Variants in SLC35D4 observed in about 807,000 individuals in gnomAD.
The protein encoded by SLC35D4 is UDP-N-acetylglucosamine transporter SLC35D4.
the SLC35D4 span, among the ~76,000 whole-genome samples, chr18:23,252,054 C>T: frequency 3.3e-5 from 5 of 151,554 alleles, no homozygotes; most frequent in South Asian, 1.0e-3. Context: ...CCGCTGCACT[C>T]CAGCCTGGGC....
At chr18:23,263,464 A>C in the SLC35D4 span, among the ~76,000 whole-genome samples, 1 of 152,248 alleles carries the variant, frequency 6.6e-6, no homozygotes, top group Non-Finnish European at 1.5e-5. Flanking sequence ...CTGGTAGAAC[A>C]TGAAATGTTT....
the SLC35D4 span, chr18:23,384,879 T>C: frequency 4.3e-4 from 378 of 885,692 alleles, 1 homozygote; most frequent in Non-Finnish European, 6.2e-4. Flanking sequence ...TAATCTTGCC[T>C]GGAGATTGGT....
At chr18:23,393,603 T>G in the SLC35D4 span, among the ~76,000 whole-genome samples, 1 of 152,178 alleles carries the variant, frequency 6.6e-6, no homozygotes, top group Non-Finnish European at 1.5e-5. Context: ...CTGAATAATA[T>G]TCCATTGTTT....
At chr18:23,390,997 T>C in the SLC35D4 span, among the ~76,000 whole-genome samples, 1 of 152,068 alleles carries the variant, frequency 6.6e-6, no homozygotes, top group African/African-American at 2.4e-5. Flanking sequence ...AGGCTGAACC[T>C]GGTGGATCGC....
the SLC35D4 span, among the ~76,000 whole-genome samples, chr18:23,364,092 C>T: frequency 6.6e-6 from 1 of 152,190 alleles, no homozygotes; most frequent in Non-Finnish European, 1.5e-5. Context: ...CCCTGAGGAT[C>T]CTCACTCAGA....
At chr18:23,262,518 C>T in the SLC35D4 span, among the ~76,000 whole-genome samples, 135 of 152,372 alleles carry the variant, frequency 8.9e-4, no homozygotes, top group African/African-American at 3.0e-3. Context: ...CACTGATTGA[C>T]GTCCACCTAG....
the SLC35D4 span, among the ~76,000 whole-genome samples, chr18:23,291,594 A>C: frequency 6.6e-6 from 1 of 152,164 alleles, no homozygotes; most frequent in Non-Finnish European, 1.5e-5. Flanking sequence ...AGCCAGCTGC[A>C]AGGCTGGGCT....
chr18:23,306,659 A>G, the SLC35D4 span, among the ~76,000 whole-genome samples: 7 of 152,218 alleles, frequency 4.6e-5, no homozygotes, highest in African/African-American at 9.6e-5. Flanking sequence ...AAGCAATACT[A>G]TGCTTTTTCT....
At chr18:23,418,346 CA>C in the SLC35D4 span, among the ~76,000 whole-genome samples, 1 of 128,442 alleles carries the variant, frequency 7.8e-6, no homozygotes, top group East Asian at 2.0e-4. Flanking sequence ...CAGGAGAAGC[CA>C]AAATTATTAT....
chr18:23,384,785 C>A, the SLC35D4 span, among the ~76,000 whole-genome samples: 1 of 152,190 alleles, frequency 6.6e-6, no homozygotes, highest in African/African-American at 2.4e-5. Flanking sequence ...GAGTTCAGTT[C>A]ATATCAACAA....
chr18:23,276,852 G>A, the SLC35D4 span, among the ~76,000 whole-genome samples: 2 of 152,266 alleles, frequency 1.3e-5, no homozygotes, highest in Admixed American at 1.3e-4. Context: ...CCTCACTCAT[G>A]CTACAGGAGC....
chr18:23,335,021 C>A, the SLC35D4 span, among the ~76,000 whole-genome samples: 111,707 of 151,618 alleles, frequency 0.74, 41,651 homozygotes, highest in Middle Eastern at 0.86. Context: ...AAAAAGAAAG[C>A]AAGCAAGCAA....
the SLC35D4 span, chr18:23,437,723 G>A: frequency 6.4e-7 from 1 of 1,555,744 alleles, no homozygotes; most frequent in Middle Eastern, 1.7e-4. Flanking sequence ...GTCACGGGAA[G>A]ATTCTCCGAC....
At chr18:23,281,327 T>A in the SLC35D4 span, among the ~76,000 whole-genome samples, 18 of 152,232 alleles carry the variant, frequency 1.2e-4, no homozygotes, top group Non-Finnish European at 2.1e-4. Context: ...TATTTATTTA[T>A]TTTACTTTTT....
the SLC35D4 span, among the ~76,000 whole-genome samples, chr18:23,273,247 T>C: frequency 6.6e-6 from 1 of 152,030 alleles, no homozygotes; most frequent in African/African-American, 2.4e-5. Flanking sequence ...GGAGTTGGAA[T>C]CAGAATGAGC....
chr18:23,272,996 T>TAGCTCTGAACAAAGCTA, the SLC35D4 span, among the ~76,000 whole-genome samples: 1 of 152,232 alleles, frequency 6.6e-6, no homozygotes, highest in African/African-American at 2.4e-5. Context: ...TCTGAAACAC[T>TAGCTCTGAACAAAGCTA]GCCCAAGCTT....
At chr18:23,355,085 GC>G in the SLC35D4 span, among the ~76,000 whole-genome samples, 1 of 152,144 alleles carries the variant, frequency 6.6e-6, no homozygotes, top group South Asian at 2.1e-4. Flanking sequence ...ATATGGTGGA[GC>G]CTCTGAAATG....
At chr18:23,433,188 T>C in the SLC35D4 span, among the ~76,000 whole-genome samples, 2 of 151,902 alleles carry the variant, frequency 1.3e-5, no homozygotes, top group African/African-American at 4.8e-5. Context: ...GCCTCCCAAG[T>C]AGCCATGACT....
the SLC35D4 span, among the ~76,000 whole-genome samples, chr18:23,346,116 T>A: frequency 2.0e-5 from 3 of 151,276 alleles, no homozygotes; most frequent in African/African-American, 7.3e-5. Flanking sequence ...AAAAAAAAAA[T>A]ATTTTTAAAG....
Sources: gnomAD v4.1 joint callset for allele counts (sites outside exome capture counted in the v4.1 genomes callset) on GRCh38, gnomAD v4.1.1 for gene constraint, MANE v1.5 for transcripts, NCBI Gene and HGNC (gene_info 2026-07-23, HGNC 2026-07-21) for gene names.